The following SYNE2 variants were observed in gnomAD, a reference collection of about 807,000 sequenced individuals.
The protein encoded by SYNE2 is spectrin repeat containing nuclear envelope protein 2, also known as nesprin-2.
A neutral mutation model predicts 856.3 loss-of-function variants in SYNE2; 431 were observed. The ratio of observed to expected loss-of-function variants is 0.50; its 90% confidence interval spans 0.47 to 0.55. The LOEUF is 0.55. Ranked by LOEUF, SYNE2 falls within the 20% of genes least tolerant of loss-of-function variation. SYNE2 has a pLI of 0.00. For missense variants in SYNE2, 8,129 were observed against 8,023.2 expected, an observed-to-expected ratio of 1.01 and a Z score of -0.50; for synonymous variants, 2,923 against 2,872.3, an observed-to-expected ratio of 1.02 and a Z score of -0.56.
chr14:64,029,085 G>A (rs925104348), intron 43 of SYNE2, among the ~76,000 whole-genome samples: 5 of 152,118 alleles, frequency 3.3e-5, no homozygotes, highest in African/African-American at 1.2e-4. Flanking sequence ...GCAGTGAGCC[G>A]AGATTGCACC....
chr14:64,028,414 C>T (rs2096999922), intron 43 of SYNE2, among the ~76,000 whole-genome samples: 1 of 152,082 alleles, frequency 6.6e-6, no homozygotes, highest in Non-Finnish European at 1.5e-5. Flanking sequence ...CGCCACTACA[C>T]CCAGCTAATT....
At chr14:63,877,300 G>A (rs2094746933) in intron 1 of SYNE2, among the ~76,000 whole-genome samples, 2 of 152,046 alleles carry the variant, frequency 1.3e-5, no homozygotes, top group South Asian at 4.2e-4. Flanking sequence ...TAGAACTTTG[G>A]TCAAAATAGG....
chr14:63,858,887 A>G (rs1457291727), intron 1 of SYNE2, among the ~76,000 whole-genome samples: 1 of 152,196 alleles, frequency 6.6e-6, no homozygotes, highest in African/African-American at 2.4e-5. Context: ...TGGTATTATT[A>G]TCTAAGAAAT....
chr14:64,130,217 T>A lies in SYNE2; in HGVS notation c.14309T>A (p.Val4770Glu). Residue 4770 changes from valine (V) to glutamate (E), a missense_variant, in exon 76 of 116, where the codon GTG becomes GAG. Physicochemically the swap from Val to Glu is moderately radical, Grantham distance 121. Transcript: ENST00000555002. ...CACTTAAAACAAACCAAAAGTAAAG[T>A]GGCGTTACAGGCTCAAATAGAAAAT... ...HGHLKQTKSK[V>E]ALQAQIENHK... 6.2e-7 allele frequency: 1 copy of A among 1,613,546 alleles called. No homozygotes were observed. The highest frequency in any genetic ancestry group is 1.1e-5 in the South Asian group (1 of 90,960).
rs1251234444 is a variant in SYNE2, at chr14:64,221,568, T to C, written c.20062-8T>C. ...ACACGGCCGCGCTCTGATGTGTTGT[T>C]TTTTAAGGACTTCCACCAGTTGAGT... On this transcript the variant is annotated splice_polypyrimidine_tract_variant and splice_region_variant and intron_variant, in intron 111 of 115. Transcript: ENST00000555002. 3.1e-6 allele frequency: 5 copies of C among 1,614,170 alleles called. No homozygotes were observed. The highest frequency in any genetic ancestry group is 3.4e-6 in the Non-Finnish European group (4 of 1,180,022).
At chr14:63,793,829 T>G (rs1446484341) in intron 1 of SYNE2, among the ~76,000 whole-genome samples, 1 of 151,392 alleles carries the variant, frequency 6.6e-6, no homozygotes, top group African/African-American at 2.4e-5. Context: ...TCTCAGCTAC[T>G]TGAGAGGCTG....
chr14:64,018,391 C>T (rs1036461171), intron 34 of SYNE2, among the ~76,000 whole-genome samples: 9 of 152,154 alleles, frequency 5.9e-5, no homozygotes, highest in Non-Finnish European at 1.3e-4. Context: ...CAGGCGCACA[C>T]CACCACACCT....
chr14:63,860,515 A>G (rs758225354), intron 1 of SYNE2, among the ~76,000 whole-genome samples: 1 of 152,260 alleles, frequency 6.6e-6, no homozygotes, highest in Non-Finnish European at 1.5e-5. Context: ...ACATTTGACA[A>G]AAAGGAGCCT....
At chr14:64,123,289 C>T (rs1197868750) in intron 70 of SYNE2, among the ~76,000 whole-genome samples, 1 of 152,140 alleles carries the variant, frequency 6.6e-6, no homozygotes, top group Non-Finnish European at 1.5e-5. Flanking sequence ...CTGTGTCAGT[C>T]ACTACTGTCT....
In SYNE2 at chr14:63,950,021, A is replaced by G. The variant is rs781350757; in HGVS notation, c.590+15A>G. 2.5e-5 allele frequency: 41 copies of G among 1,613,696 alleles called. No individual in the cohort carries two copies. Among genetic ancestry groups the G allele is most frequent in the Middle Eastern group, 3.4e-4 (2 of 5,894 alleles). On this transcript the variant is annotated intron_variant, in intron 7 of 115. Coordinates refer to ENST00000555002, the MANE Select transcript of SYNE2 (RefSeq NM_182914.3). The stretch of plus-strand genomic sequence containing the variant: ...CAATGCGCCACGTAAGTAGTTTGCT[A>G]TGACCCTAAGAGACACACAGGGCAG...
At chr14:63,912,034 T>C (rs2095479127) in intron 2 of SYNE2, among the ~76,000 whole-genome samples, 1 of 149,162 alleles carries the variant, frequency 6.7e-6, no homozygotes, top group Admixed American at 6.6e-5. Flanking sequence ...CACTGCTGTC[T>C]TAGGGGGACT....
At chr14:63,769,591 C>T (rs1393140191) in intron 1 of SYNE2, among the ~76,000 whole-genome samples, 62 of 151,478 alleles carry the variant, frequency 4.1e-4, no homozygotes, top group Non-Finnish European at 5.9e-5. Context: ...ATGGCGTGAA[C>T]CCGGGAGGTG....
At chr14:64,024,190 G>T in intron 38 of SYNE2, 67 bp from the exon 39 acceptor site, 2 of 1,431,238 alleles carry the variant, frequency 1.4e-6, no homozygotes, top group Non-Finnish European at 2.0e-6. Flanking sequence ...GAAAAGTGTC[G>T]TGAGGGTGGC....
chr14:64,205,356 T>C (rs1046748921), intron 100 of SYNE2, among the ~76,000 whole-genome samples: 5 of 152,212 alleles, frequency 3.3e-5, no homozygotes, highest in Admixed American at 3.3e-4. Context: ...TCCAAAACAC[T>C]GGAAACAAAT....
intron 79 of SYNE2, among the ~76,000 whole-genome samples, chr14:64,138,271 G>T (rs916753206): frequency 6.6e-6 from 1 of 151,982 alleles, no homozygotes; most frequent in African/African-American, 2.4e-5. Flanking sequence ...CACCCAGGCT[G>T]GAGTGCATGG....
intron 27 of SYNE2, among the ~76,000 whole-genome samples, chr14:63,999,762 A>G (rs1309614451): frequency 1.3e-5 from 2 of 152,226 alleles, no homozygotes; most frequent in Admixed American, 1.3e-4. Flanking sequence ...GGAGGGCCAT[A>G]GGTAGTTCCT....
At chr14:64,212,228 C>A in intron 104 of SYNE2, 130 bp downstream of exon 104, 1 of 1,434,808 alleles carries the variant, frequency 7.0e-7, no homozygotes, top group Non-Finnish European at 9.7e-7. Flanking sequence ...AGGCTACATC[C>A]CACCTGTGTA....
At chr14:64,115,586 G>A (rs2097848091) in intron 66 of SYNE2, among the ~76,000 whole-genome samples, 1 of 152,108 alleles carries the variant, frequency 6.6e-6, no homozygotes, top group Non-Finnish European at 1.5e-5. Flanking sequence ...AAGCAGACAG[G>A]CTCTAAATGG....
At chr14:63,801,907 A>T (rs908487782) in intron 1 of SYNE2, among the ~76,000 whole-genome samples, 4 of 151,624 alleles carry the variant, frequency 2.6e-5, no homozygotes, top group African/African-American at 9.7e-5. Flanking sequence ...ATAGAAGAAA[A>T]GGATAATTCT....
Sources: gnomAD v4.1 joint callset for allele counts (sites outside exome capture counted in the v4.1 genomes callset) on GRCh38, gnomAD v4.1.1 for gene constraint, MANE v1.5 for transcripts, NCBI Gene and HGNC (gene_info 2026-07-23, HGNC 2026-07-21) for gene names.